Variants in TCERG1L observed in about 807,000 individuals in gnomAD.
TCERG1L encodes the protein transcription elongation regulator 1-like protein.
Under a neutral mutation model 56.3 loss-of-function variants are expected in TCERG1L, and 37 were observed. That is an observed-to-expected ratio of 0.66 (90% confidence interval 0.51 to 0.87). TCERG1L has a LOEUF of 0.87. Among genes scored for constraint, TCERG1L ranks in the 40% least tolerant of loss-of-function variants. The pLI, the probability that TCERG1L is intolerant of heterozygous loss-of-function variation, is 0.00. For synonymous variants in TCERG1L, 324 were observed against 326.3 expected (o/e 0.99, Z 0.08); for missense variants, 799 against 774.2 (o/e 1.03, Z -0.38).
At chr10:131,116,726 CA>C in intron 9 of TCERG1L, 72 bp downstream of exon 9, 4 of 1,532,680 alleles carry the variant, frequency 2.6e-6, no homozygotes, top group Non-Finnish European at 3.5e-6. Flanking sequence ...GACCCTCAGG[CA>C]GGGACGGCCA....
At chr10:131,167,333 C>G (rs1846041646) in intron 4 of TCERG1L, among the ~76,000 whole-genome samples, 1 of 152,194 alleles carries the variant, frequency 6.6e-6, no homozygotes, top group Non-Finnish European at 1.5e-5. Flanking sequence ...CCAGTGGGCC[C>G]AGGGTGGGAG....
chr10:131,193,205 A>ATTG (rs761928422), intron 4 of TCERG1L, among the ~76,000 whole-genome samples: 3 of 152,054 alleles, frequency 2.0e-5, no homozygotes, highest in Admixed American at 6.5e-5. Flanking sequence ...AATGAAATTT[A>ATTG]TTGTTGTTGT....
intron 9 of TCERG1L, among the ~76,000 whole-genome samples, chr10:131,114,010 A>G (rs1845431646): frequency 7.0e-6 from 1 of 142,172 alleles, no homozygotes; most frequent in Admixed American, 6.9e-5. Context: ...AAACAAAACG[A>G]AAAACAAACC....
chr10:131,143,795 C>T (rs981265917), intron 7 of TCERG1L, among the ~76,000 whole-genome samples: 3 of 152,166 alleles, frequency 2.0e-5, no homozygotes, highest in Non-Finnish European at 4.4e-5. Context: ...TTCTCATTTT[C>T]CTCCAGCTCT....
chr10:131,146,636 G>T lies in TCERG1L; in HGVS notation c.1059C>A (p.Asp353Glu). Residue 353 changes from aspartate (D) to glutamate (E), a missense_variant, in exon 7 of 12, where the codon GAC becomes GAA. Coordinates refer to ENST00000368642, the MANE Select transcript of TCERG1L (RefSeq NM_174937.4). ...SPWCVVWTGD[D>E]RVFFFNPTMH... ...TCGTTGGGTTGAAGAAGAAAACTCG[G>T]TCATCGCCCGTCCAGACCACACACC... 6.2e-7 allele frequency: 1 copy of T among 1,613,582 alleles called. No homozygotes were observed. Among genetic ancestry groups the T allele is most frequent in the Non-Finnish European group, 8.5e-7 (1 of 1,179,688 alleles).
intron 4 of TCERG1L, among the ~76,000 whole-genome samples, chr10:131,193,968 A>C (rs1845331255): frequency 6.6e-6 from 1 of 152,206 alleles, no homozygotes; most frequent in African/African-American, 2.4e-5. Context: ...CCAGAAGGGG[A>C]GTGGCTGGAT....
intron 4 of TCERG1L, among the ~76,000 whole-genome samples, chr10:131,201,919 A>G (rs998143447): frequency 2.0e-5 from 3 of 152,180 alleles, no homozygotes; most frequent in African/African-American, 7.2e-5. Context: ...GGAAAGAGCC[A>G]ATGAAAGATG....
At chr10:131,195,350 G>A (rs1049026093) in intron 4 of TCERG1L, among the ~76,000 whole-genome samples, 4 of 152,144 alleles carry the variant, frequency 2.6e-5, no homozygotes, top group African/African-American at 7.2e-5. Flanking sequence ...GAAAGGCCTC[G>A]CTTACTTGGT....
intron 4 of TCERG1L, among the ~76,000 whole-genome samples, chr10:131,174,071 C>T (rs530716923): frequency 1.3e-5 from 2 of 152,240 alleles, no homozygotes; most frequent in South Asian, 4.1e-4. Flanking sequence ...TCCGGAAGAG[C>T]CAGGGTCCTC....
At chr10:131,122,440 CA>C (rs1845522988) in intron 8 of TCERG1L, among the ~76,000 whole-genome samples, 1 of 152,186 alleles carries the variant, frequency 6.6e-6, no homozygotes, top group Non-Finnish European at 1.5e-5. Context: ...TGCCAATGAT[CA>C]ATAAATTAAT....
intron 3 of TCERG1L, among the ~76,000 whole-genome samples, chr10:131,284,046 G>T (rs1216701507): frequency 6.7e-6 from 1 of 149,326 alleles, no homozygotes; most frequent in African/African-American, 2.5e-5. Flanking sequence ...AGAATCACTT[G>T]AACCCAGGGG....
At chr10:131,187,668 G>A (rs1439099186) in intron 4 of TCERG1L, among the ~76,000 whole-genome samples, 1 of 152,142 alleles carries the variant, frequency 6.6e-6, no homozygotes, top group Non-Finnish European at 1.5e-5. Context: ...TCTCCCTCGG[G>A]TCTTGAGTTC....
At chr10:131,182,017 T>A (rs143364405) in intron 4 of TCERG1L, among the ~76,000 whole-genome samples, 3 of 152,116 alleles carry the variant, frequency 2.0e-5, no homozygotes, top group Non-Finnish European at 4.4e-5. Context: ...ACCGTGTGTA[T>A]GTGTGTGTAC....
intron 4 of TCERG1L, among the ~76,000 whole-genome samples, chr10:131,180,943 A>C (rs1280559332): frequency 6.6e-6 from 1 of 152,122 alleles, no homozygotes; most frequent in Non-Finnish European, 1.5e-5. Context: ...GACGTCTATC[A>C]CCTTGAAGGG....
chr10:131,115,124 G>T (rs1845443784), intron 9 of TCERG1L, among the ~76,000 whole-genome samples: 1 of 152,266 alleles, frequency 6.6e-6, no homozygotes, highest in South Asian at 2.1e-4. Context: ...GTAAGACACT[G>T]CCGCCAGGGC....
chr10:131,181,765 C>T (rs949671530), intron 4 of TCERG1L, among the ~76,000 whole-genome samples: 1 of 152,226 alleles, frequency 6.6e-6, no homozygotes, highest in Non-Finnish European at 1.5e-5. Context: ...CCTCTGGGTC[C>T]ACGTATCTTT....
intron 3 of TCERG1L, among the ~76,000 whole-genome samples, chr10:131,280,168 AG>A (rs1184010776): frequency 8.7e-5 from 13 of 150,108 alleles, no homozygotes; most frequent in East Asian, 2.0e-4. Flanking sequence ...TGGAAGCAGG[AG>A]GGGGCTTCCA....
intron 3 of TCERG1L, among the ~76,000 whole-genome samples, chr10:131,276,276 G>C (rs1846392591): frequency 2.0e-5 from 3 of 152,174 alleles, no homozygotes; most frequent in Non-Finnish European, 4.4e-5. Flanking sequence ...CTTTGCCCTA[G>C]AATATATGTG....
chr10:131,289,315 T>A (rs1034878362), intron 3 of TCERG1L, among the ~76,000 whole-genome samples: 1 of 145,084 alleles, frequency 6.9e-6, no homozygotes, highest in African/African-American at 2.5e-5. Context: ...CATTTTCATA[T>A]ACTTATGGCA....
Sources: gnomAD v4.1 joint callset for allele counts (sites outside exome capture counted in the v4.1 genomes callset) on GRCh38, gnomAD v4.1.1 for gene constraint, MANE v1.5 for transcripts, NCBI Gene and HGNC (gene_info 2026-07-23, HGNC 2026-07-21) for gene names.